SPTBN5: variants seen among roughly 807,000 people sequenced by gnomAD.
The protein encoded by SPTBN5 is spectrin beta chain, non-erythrocytic 5.
Under a neutral mutation model 477.6 loss-of-function variants are expected in SPTBN5, and 513 were observed. That is an observed-to-expected ratio of 1.07 (90% confidence interval 1.00 to 1.16). The LOEUF is 1.16. Ranked by LOEUF, SPTBN5 falls within the 50% of genes most tolerant of loss-of-function variation. The probability of loss-of-function intolerance (pLI) is 0.00; values close to 1 mark genes in which losing one functional copy is unlikely to be tolerated. For synonymous variants in SPTBN5, 2,169 were observed against 2,011.7 expected, an observed-to-expected ratio of 1.08 and a Z score of -2.09; for missense variants, 5,062 against 4,731.8, an observed-to-expected ratio of 1.07 and a Z score of -2.05.
intron 28 of SPTBN5, 108 bp downstream of exon 28, chr15:41,871,674 G>A: frequency 7.0e-7 from 1 of 1,425,242 alleles, no homozygotes; most frequent in Non-Finnish European, 9.2e-7. Context: ...CCTCAGCCAG[G>A]GCTCACCGCT....
chr15:41,872,753 G>A (rs2066589577), intron 26 of SPTBN5, among the ~76,000 whole-genome samples: 1 of 152,250 alleles, frequency 6.6e-6, no homozygotes, highest in South Asian at 2.1e-4. Context: ...GGGCACAGGA[G>A]GCATTAGACT....
rs563948464 is a variant in SPTBN5, at chr15:41,854,881, C to A, written c.9519G>T (p.Glu3173Asp). ...YALRKLAGTL[E>D]RGAPRRYPHI... Reference sequence around the variant, plus strand: ...GGGGATAGCGCCTGGGTGCACCCCGCTCCAGGGTGCCTGCCAACTTCCTCA... The same window carrying A: ...GGGGATAGCGCCTGGGTGCACCCCGATCCAGGGTGCCTGCCAACTTCCTCA... The change falls in exon 56 of 68, where the codon GAG (glutamate) becomes GAT (aspartate). Residue 3173 changes from glutamate to aspartate, a missense_variant. Transcript: ENST00000320955. 1.2e-6 allele frequency: 2 copies of A among 1,609,482 alleles called. No individual in the cohort carries two copies.
In SPTBN5 at chr15:41,855,679, T is replaced by G. The variant is rs772419590; in HGVS notation, c.9088A>C (p.Ser3030Arg). ...AGAAGGGCCTGTGTGGCTTCAGCACTGTGGCCCATGTCCTCGCTGTCCAGG... is the reference window on the plus strand; with the variant it reads ...AGAAGGGCCTGTGTGGCTTCAGCACGGTGGCCCATGTCCTCGCTGTCCAGG... ...HVLDSEDMGH[S>R]AEATQALLRR... Residue 3030 changes from serine (S) to arginine (R), a missense_variant, in exon 54 of 68, where the codon AGT becomes CGT. Ser to Arg is a moderately radical substitution (Grantham distance 110, BLOSUM62 -1). Transcript: ENST00000320955. 6.2e-7 allele frequency: 1 copy of G among 1,604,354 alleles called. No homozygotes were observed. Among genetic ancestry groups the G allele is most frequent in the Non-Finnish European group, 8.5e-7 (1 of 1,177,386 alleles).
chr15:41,856,860 T>C lies in SPTBN5; in HGVS notation c.8801A>G (p.Gln2934Arg). ...SLSAVRHLQE[Q>R]HQNLESEMSS... is the part of the protein sequence containing the mutation. ...CCCCGGGTGGGCCCACACCTGGTGC[T>C]GCTCCTGCAGGTGCCGCACCGCACT... Residue 2934 changes from glutamine to arginine, a missense_variant, in exon 52 of 68, where the codon CAG becomes CGG. Transcript: ENST00000320955. The C allele has an allele frequency of 3.2e-6, 5 of 1,546,302 alleles. No individual in the cohort carries two copies. Among genetic ancestry groups the C allele is most frequent in the Non-Finnish European group, 4.4e-6 (5 of 1,143,672 alleles).
intron 56 of SPTBN5, 133 bp downstream of exon 56, chr15:41,854,649 G>GTTTT: frequency 2.7e-6 from 2 of 740,118 alleles, no homozygotes; most frequent in Non-Finnish European, 4.2e-6. Flanking sequence ...AGCAGGTGAG[G>GTTTT]GAAAAGGCAC....
In SPTBN5 at chr15:41,861,884, G is replaced by A. The variant is rs749092399; in HGVS notation, c.7588C>T (p.Arg2530Ter). The A allele has an allele frequency of 7.4e-5, 119 of 1,608,000 alleles. No homozygotes were observed. The highest frequency in any genetic ancestry group is 5.6e-4 in the Middle Eastern group (3 of 5,318). ...GTGAGCAGTTGCTGCCCAGTGCTTCGGGCCAGGCTGATGCTGTCTGTCCAG... is the reference window on the plus strand; with the variant it reads ...GTGAGCAGTTGCTGCCCAGTGCTTCAGGCCAGGCTGATGCTGTCTGTCCAG... ...DSWTDSISLA[R>*]STGQQLLTAG... Residue 2530 changes from arginine (R) to a stop codon, truncating the protein, a stop_gained, in exon 45 of 68, where the codon CGA becomes TGA. Coordinates refer to ENST00000320955, the MANE Select transcript of SPTBN5 (RefSeq NM_016642.4). LOFTEE classifies it high-confidence loss of function.
intron 28 of SPTBN5, 66 bp from the exon 29 acceptor site, chr15:41,871,586 C>A: frequency 7.1e-7 from 1 of 1,408,218 alleles, no homozygotes; most frequent in Non-Finnish European, 9.3e-7. Context: ...GCCTGGGAAT[C>A]GAGGCACCTC....
chr15:41,863,303 G>A (rs1001658955), intron 41 of SPTBN5, among the ~76,000 whole-genome samples: 1 of 152,218 alleles, frequency 6.6e-6, no homozygotes, highest in African/African-American at 2.4e-5. Flanking sequence ...TTCCTAGACC[G>A]GGTTCTAACT....
At chr15:41,855,087 C>G in intron 55 of SPTBN5, 111 bp from the exon 56 acceptor site, 1 of 1,439,686 alleles carries the variant, frequency 6.9e-7, no homozygotes, top group South Asian at 1.4e-5. Context: ...AGCCCAGGTT[C>G]TGGAACCATC....
rs756066368 is a variant in SPTBN5, at chr15:41,866,210, GCCAGGAGAGCCTCTC to G, written c.6635_6649del (p.Gly2212_Leu2216del). The G allele has an allele frequency of 3.1e-6, 5 of 1,589,474 alleles. No homozygotes were observed. The highest frequency in any genetic ancestry group is 4.3e-6 in the Non-Finnish European group (5 of 1,170,562). ...CTCTCCGGCTCGAGGGTGACTCTGT[GCCAGGAGAGCCTCTC>G]CCTTCTGGAGGGAGAGAGGGGACAC... is the stretch of plus-strand genomic sequence containing the variant. On this transcript the variant is annotated inframe_deletion, in exon 38 of 68. Transcript: ENST00000320955.
intron 33 of SPTBN5, 66 bp from the exon 34 acceptor site, chr15:41,868,284 C>A: frequency 6.4e-7 from 1 of 1,563,168 alleles, no homozygotes; most frequent in East Asian, 2.3e-5. Context: ...GGACTGGATC[C>A]TGAGGGAAGC....
chr15:41,861,282 G>T (rs1307709431), intron 46 of SPTBN5, 137 bp downstream of exon 46: 6 of 734,916 alleles, frequency 8.2e-6, no homozygotes, highest in Non-Finnish European at 1.4e-5. Context: ...GCCCAGTGAC[G>T]GATGTGGCCC....
rs1197666 is a variant in SPTBN5, at chr15:41,849,286, G to C, written c.11012+583C>G. ...TCTACAAGGAGGGACTGAGGAGCCA[G>C]GTAAGAGCCTCCTGCCCCTGCACAT... On this transcript the variant is annotated intron_variant, in intron 67 of 67. Transcript: ENST00000320955. 9.1e-4 allele frequency among the ~76,000 whole-genome samples: 138 copies of C among 152,146 alleles called. 1 individual carries two copies. Among genetic ancestry groups the C allele is most frequent in the African/African-American group, 3.2e-3 (131 of 41,494 alleles).
At chr15:41,857,779 C>G (rs1396887535) in intron 49 of SPTBN5, 69 bp from the exon 50 acceptor site, 48 of 1,499,676 alleles carry the variant, frequency 3.2e-5, no homozygotes, top group Non-Finnish European at 4.3e-5. Flanking sequence ...TGTGTTGACT[C>G]TGACCACCAG....
rs148559070 is a variant in SPTBN5, at chr15:41,851,935, T to G, written c.10585-85A>C. ...AGGCACCCACTGCCCCCAGCTCTCTTTATTCCTCCCATCCAAGTACTAACC... is the reference window on the plus strand; with the variant it reads ...AGGCACCCACTGCCCCCAGCTCTCTGTATTCCTCCCATCCAAGTACTAACC... On this transcript the variant is annotated intron_variant, in intron 62 of 67. Coordinates refer to ENST00000320955, the MANE Select transcript of SPTBN5 (RefSeq NM_016642.4). 63 of 1,129,128 alleles carry G rather than the reference T, an allele frequency of 5.6e-5. 1 individual carries two copies. The East Asian group carries it at 1.2e-3, about 21-fold the overall frequency. The allele number at this position is 1,129,128 out of a possible 1,614,324, so 69.9% of individuals were successfully genotyped here.
intron 17 of SPTBN5, among the ~76,000 whole-genome samples, chr15:41,878,006 G>A (rs922255464): frequency 3.3e-5 from 5 of 152,192 alleles, no homozygotes; most frequent in Admixed American, 1.3e-4. Flanking sequence ...GCTGGGGTCC[G>A]TGTTACCAGG....
At chr15:41,859,257 C>A (rs1187897732) in intron 47 of SPTBN5, among the ~76,000 whole-genome samples, 1 of 152,140 alleles carries the variant, frequency 6.6e-6, no homozygotes, top group African/African-American at 2.4e-5. Flanking sequence ...CTCCCGGGTT[C>A]AAGCAATTCT....
At position 41,854,811 on chromosome 15, in the gene SPTBN5, ACCT is replaced by A. The variant is rs1338997358; in HGVS notation, c.9586_9588del (p.Arg3196del). ...GTGCGGGCTTTTATTGCTTGGTCCAACCTCTCCCAAGCAGCCTCAATGCGGCTC... is the reference window on the plus strand; with the variant it reads ...GTGCGGGCTTTTATTGCTTGGTCCAACTCCCAAGCAGCCTCAATGCGGCTC... On this transcript the variant is annotated inframe_deletion, in exon 56 of 68. Transcript: ENST00000320955. 6.4e-7 allele frequency: 1 copy of A among 1,568,520 alleles called. No individual in the cohort carries two copies. The highest frequency in any genetic ancestry group is 8.6e-7 in the Non-Finnish European group (1 of 1,157,568).
intron 53 of SPTBN5, 95 bp from the exon 54 acceptor site, chr15:41,855,840 C>T: frequency 1.5e-6 from 2 of 1,318,010 alleles, no homozygotes; most frequent in South Asian, 1.5e-5. Flanking sequence ...ACAGGGGAAT[C>T]ACCTGGGAGC....
Sources: gnomAD v4.1 joint callset for allele counts (sites outside exome capture counted in the v4.1 genomes callset) on GRCh38, gnomAD v4.1.1 for gene constraint, MANE v1.5 for transcripts, NCBI Gene and HGNC (gene_info 2026-07-23, HGNC 2026-07-21) for gene names.